The following TLE4 variants were observed in gnomAD, a reference collection of about 807,000 sequenced individuals.
The protein encoded by TLE4 is TLE family member 4, transcriptional corepressor.
TLE4 carries 8 observed loss-of-function variants against 92.8 expected under a neutral mutation model. The ratio of observed to expected loss-of-function variants is 0.09; its 90% CI spans 0.05 to 0.16. The LOEUF is 0.16. Ranked by LOEUF, TLE4 falls within the 10% of genes least tolerant of loss-of-function variation. The probability of loss-of-function intolerance (pLI) is 1.00; values close to 1 mark genes in which losing one functional copy is unlikely to be tolerated. For synonymous variants in TLE4, 371 were observed against 374.1 expected (o/e 0.99, Z 0.10); for missense variants, 675 against 997.6 (o/e 0.68, Z 4.36).
At chr9:79,598,195 G>T (rs1212808942) in intron 4 of TLE4, among the ~76,000 whole-genome samples, 2 of 149,692 alleles carry the variant, frequency 1.3e-5, no homozygotes, top group Non-Finnish European at 1.5e-5. Flanking sequence ...GTTGCTGTGA[G>T]CTGAGATCGT....
intron 5 of TLE4, among the ~76,000 whole-genome samples, chr9:79,619,989 T>G (rs1352065540): frequency 6.6e-6 from 1 of 152,236 alleles, no homozygotes; most frequent in African/African-American, 2.4e-5. Flanking sequence ...GTGAGATTCA[T>G]CTGGTGGCAT....
At chr9:79,628,222 G>C (rs920137301) in intron 6 of TLE4, among the ~76,000 whole-genome samples, 3 of 151,974 alleles carry the variant, frequency 2.0e-5, no homozygotes, top group Admixed American at 6.6e-5. Context: ...GCAGTTCCTT[G>C]GGTTATTCTA....
intron 8 of TLE4, 51 bp downstream of exon 8, chr9:79,654,126 G>T (rs1400680113): frequency 2.7e-5 from 41 of 1,537,646 alleles, no homozygotes; most frequent in Non-Finnish European, 3.5e-5. Context: ...GGCTGTAAAT[G>T]ATTTGAATGA....
At chr9:79,582,820 G>A (rs2807302) in intron 4 of TLE4, among the ~76,000 whole-genome samples, 43,484 of 151,864 alleles carry the variant, frequency 0.29, 7,800 homozygotes, top group African/African-American at 0.51. Flanking sequence ...ATGGTGGTAG[G>A]TTCAGTGGTC....
chr9:79,572,676 G>A lies in TLE4; in HGVS notation c.-115G>A. The A allele has an allele frequency of 3.0e-6, 3 of 1,012,244 alleles. No individual in the cohort carries two copies. Among genetic ancestry groups the A allele is most frequent in the Non-Finnish European group, 4.3e-6 (3 of 701,474 alleles). 62.7% of individuals were successfully genotyped at this position (1,012,244 alleles called of 1,614,324 possible). A position where few individuals can be genotyped will look rare whatever the true frequency, so the allele number is the denominator to read the frequency against. ...CCCGGCGGGGGCCGGGACCGCCCGA[G>A]CCGCCCCTCAGACCGAGCCGGCCGC... is the stretch of plus-strand genomic sequence containing the variant. On this transcript the variant is annotated 5_prime_UTR_variant, in exon 1 of 20. Transcript: ENST00000376552.
At chr9:79,696,464 CTTA>C (rs1457469394) in intron 8 of TLE4, among the ~76,000 whole-genome samples, 2 of 152,096 alleles carry the variant, frequency 1.3e-5, no homozygotes, top group African/African-American at 4.8e-5. Flanking sequence ...GACCTTAAAA[CTTA>C]TTAGGCAGCC....
intron 8 of TLE4, among the ~76,000 whole-genome samples, chr9:79,677,912 G>A (rs1350831163): frequency 1.3e-5 from 2 of 152,028 alleles, no homozygotes; most frequent in Non-Finnish European, 2.9e-5. Flanking sequence ...GTACTGAAAG[G>A]TTAGCCTTAC....
rs2071887078 is a variant in TLE4, at chr9:79,707,278, C to A, written c.936+379C>A. 3 of 1,340,612 alleles carry A rather than the reference C, an allele frequency of 2.2e-6. No individual in the cohort carries two copies. The South Asian group carries it at 3.6e-5, about 16-fold the overall frequency. 83.0% of individuals were successfully genotyped at this position (1,340,612 alleles called of 1,614,324 possible). ...TGCTAGCTTTGTTTGAATTACCAAG[C>A]TACATATGACGGCAATAATTTTCCC... On this transcript the variant is annotated intron_variant, in intron 11 of 19. Coordinates refer to ENST00000376552, the MANE Select transcript of TLE4 (RefSeq NM_007005.6).
At chr9:79,709,333 A>T (rs2072619666) in intron 13 of TLE4, among the ~76,000 whole-genome samples, 1 of 152,154 alleles carries the variant, frequency 6.6e-6, no homozygotes, top group Non-Finnish European at 1.5e-5. Context: ...GAAACTTCAA[A>T]CCTACAGAAT....
intron 4 of TLE4, among the ~76,000 whole-genome samples, chr9:79,580,754 A>C (rs530043851): frequency 2.6e-5 from 4 of 152,008 alleles, no homozygotes; most frequent in Non-Finnish European, 4.4e-5. Flanking sequence ...GAACTCTTGT[A>C]TAATAATGAG....
At chr9:79,709,530 A>T in intron 13 of TLE4, 93 bp from the exon 14 acceptor site, 1 of 1,063,138 alleles carries the variant, frequency 9.4e-7, no homozygotes, top group Non-Finnish European at 1.4e-6. Context: ...TAAAGGATCT[A>T]TTCTCCCAGG....
At chr9:79,627,000 G>A (rs2052788535) in intron 5 of TLE4, among the ~76,000 whole-genome samples, 1 of 152,162 alleles carries the variant, frequency 6.6e-6, no homozygotes, top group East Asian at 1.9e-4. Context: ...AATGTAGATA[G>A]CAAAGAGAAA....
At chr9:79,654,528 T>C (rs1046519904) in intron 8 of TLE4, among the ~76,000 whole-genome samples, 1 of 152,046 alleles carries the variant, frequency 6.6e-6, no homozygotes, top group Non-Finnish European at 1.5e-5. Flanking sequence ...GAAATAATTT[T>C]CTCTTTTAAA....
intron 5 of TLE4, among the ~76,000 whole-genome samples, chr9:79,623,222 G>C (rs939882401): frequency 2.0e-5 from 3 of 151,612 alleles, no homozygotes; most frequent in African/African-American, 7.3e-5. Flanking sequence ...TAATTCTGAG[G>C]TGTACTATAG....
chr9:79,720,171 G>A lies in TLE4; in HGVS notation c.1716G>A (p.Glu572=). 1 of 1,614,202 alleles carries A rather than the reference G, an allele frequency of 6.2e-7. No homozygotes were observed. The highest frequency in any genetic ancestry group is 8.5e-7 in the Non-Finnish European group (1 of 1,180,044). ...LAAPTPRIKA[E]LTSSAPACYA... Reference sequence around the variant, plus strand: ...CTCCAACCCCACGCATCAAGGCAGAGCTGACATCCTCGGCCCCCGCCTGCT... The same window carrying A: ...CTCCAACCCCACGCATCAAGGCAGAACTGACATCCTCGGCCCCCGCCTGCT... Residue 572 remains glutamate, a synonymous_variant, in exon 16 of 20, where the codon GAG becomes GAA. Coordinates refer to ENST00000376552, the MANE Select transcript of TLE4 (RefSeq NM_007005.6).
intron 8 of TLE4, among the ~76,000 whole-genome samples, chr9:79,663,996 G>A (rs944531910): frequency 1.3e-5 from 2 of 152,168 alleles, no homozygotes; most frequent in African/African-American, 4.8e-5. Flanking sequence ...CTAGCAACGG[G>A]CCACGGGGCA....
chr9:79,640,680 T>C (rs1218188854), intron 6 of TLE4, among the ~76,000 whole-genome samples: 1 of 152,160 alleles, frequency 6.6e-6, no homozygotes, highest in African/African-American at 2.4e-5. Context: ...GCTCCTTCTG[T>C]TCTTTGCAAC....
At chr9:79,710,378 A>AGCTG (rs2136019311) in intron 14 of TLE4, among the ~76,000 whole-genome samples, 1 of 152,370 alleles carries the variant, frequency 6.6e-6, no homozygotes, top group African/African-American at 2.4e-5. Context: ...TTAAAATCCC[A>AGCTG]GCTGGCTGCT....
intron 16 of TLE4, 140 bp from the exon 17 acceptor site, chr9:79,721,601 G>T (rs1031233037): frequency 1.5e-6 from 2 of 1,309,822 alleles, no homozygotes; most frequent in Non-Finnish European, 1.0e-6. Context: ...TTATTACTTT[G>T]AATAATTAGA....
Sources: allele counts gnomAD v4.1 joint callset (sites outside exome capture counted in the v4.1 genomes callset), GRCh38; gene constraint gnomAD v4.1.1; transcripts MANE v1.5; gene names NCBI Gene and HGNC (gene_info 2026-07-23, HGNC 2026-07-21).